MARCHF8: variants seen among roughly 807,000 people sequenced by gnomAD.
The protein encoded by MARCHF8 is E3 ubiquitin-protein ligase MARCHF8.
Under a neutral mutation model 51.6 loss-of-function variants are expected in MARCHF8, and 40 were observed. The observed-to-expected ratio is 0.77, with a 90% CI of 0.60 to 1.01. The LOEUF (loss-of-function observed/expected upper bound fraction) is 1.01, where lower values mean the gene tolerates loss of function less well. Among genes scored for constraint, MARCHF8 ranks in the 50% least tolerant of loss-of-function variants. MARCHF8 has a pLI of 0.00. For missense variants in MARCHF8, 685 were observed against 708.6 expected, an observed-to-expected ratio of 0.97 and a Z score of 0.38; for synonymous variants, 263 against 280.3, an observed-to-expected ratio of 0.94 and a Z score of 0.62.
chr10:45,574,688 T>A (rs2044469997), intron 1 of MARCHF8, among the ~76,000 whole-genome samples: 1 of 152,192 alleles, frequency 6.6e-6, no homozygotes, highest in African/African-American at 2.4e-5. Flanking sequence ...AGCCTAGCCC[T>A]CCTGTCTGCA....
intron 3 of MARCHF8, among the ~76,000 whole-genome samples, chr10:45,486,436 C>T (rs1343919441): frequency 1.3e-5 from 2 of 152,070 alleles, no homozygotes; most frequent in African/African-American, 2.4e-5. Flanking sequence ...TGGTGGCACG[C>T]ACCTGTAATC....
chr10:45,489,277 C>CAAA, intron 3 of MARCHF8, 90 bp downstream of exon 3: 87 of 777,128 alleles, frequency 1.1e-4, no homozygotes, highest in South Asian at 2.4e-4. Context: ...AACGTCTTTT[C>CAAA]AAAAAAAAAA....
intron 2 of MARCHF8, among the ~76,000 whole-genome samples, chr10:45,507,517 A>AGCAAGGAGGGAGGT (rs2043408237): frequency 6.6e-6 from 1 of 152,198 alleles, no homozygotes; most frequent in East Asian, 1.9e-4. Context: ...AGGTCAAGAG[A>AGCAAGGAGGGAGGT]GCAAGGAGGG....
chr10:45,550,050 G>A (rs1249485900), intron 1 of MARCHF8, among the ~76,000 whole-genome samples: 1 of 152,190 alleles, frequency 6.6e-6, no homozygotes, highest in African/African-American at 2.4e-5. Flanking sequence ...CGGGGACAGG[G>A]GGCAGTGATT....
intron 1 of MARCHF8, among the ~76,000 whole-genome samples, chr10:45,546,178 T>TTTA (rs1564511893): frequency 1.6e-5 from 2 of 125,310 alleles, no homozygotes; most frequent in Non-Finnish European, 3.5e-5. Flanking sequence ...TTATTTATTT[T>TTTA]GAGACAGGGT....
chr10:45,545,483 C>A (rs2044108649), intron 1 of MARCHF8, among the ~76,000 whole-genome samples: 1 of 152,104 alleles, frequency 6.6e-6, no homozygotes, highest in Non-Finnish European at 1.5e-5. Context: ...GGGAAGAAAC[C>A]CACTGATCTT....
At chr10:45,512,686 G>A (rs1322501162) in intron 2 of MARCHF8, among the ~76,000 whole-genome samples, 1 of 151,986 alleles carries the variant, frequency 6.6e-6, no homozygotes, top group Non-Finnish European at 1.5e-5. Flanking sequence ...GGGATGTGAG[G>A]AGCCCCTCTG....
At chr10:45,592,213 C>G (rs2044688926) in intron 1 of MARCHF8, among the ~76,000 whole-genome samples, 1 of 152,162 alleles carries the variant, frequency 6.6e-6, no homozygotes, top group Admixed American at 6.5e-5. Context: ...TTTAAAATTA[C>G]ACTCCTTGAA....
At chr10:45,528,302 G>A (rs2043823639) in intron 2 of MARCHF8, among the ~76,000 whole-genome samples, 1 of 152,124 alleles carries the variant, frequency 6.6e-6, no homozygotes, top group Non-Finnish European at 1.5e-5. Context: ...TTGTAAAAGA[G>A]GAAGTTAAAC....
chr10:45,504,888 G>T (rs137964103), intron 2 of MARCHF8, among the ~76,000 whole-genome samples: 2 of 152,150 alleles, frequency 1.3e-5, no homozygotes, highest in African/African-American at 4.8e-5. Context: ...CTCCTGAGTA[G>T]GGGCTTATAC....
chr10:45,593,036 C>G (rs1564526913), intron 1 of MARCHF8, among the ~76,000 whole-genome samples: 1 of 152,096 alleles, frequency 6.6e-6, no homozygotes, highest in African/African-American at 2.4e-5. Context: ...CCTCATTTTT[C>G]AGCAGAAACT....
intron 1 of MARCHF8, among the ~76,000 whole-genome samples, chr10:45,533,525 C>G (rs1348902652): frequency 6.6e-6 from 1 of 152,092 alleles, no homozygotes; most frequent in Non-Finnish European, 1.5e-5. Flanking sequence ...CATGTATAAT[C>G]AGAGATATAA....
intron 2 of MARCHF8, among the ~76,000 whole-genome samples, chr10:45,499,089 C>T (rs1053056562): frequency 2.0e-5 from 3 of 152,142 alleles, no homozygotes; most frequent in Non-Finnish European, 2.9e-5. Context: ...ATCAGCGTTC[C>T]ACTTTGTTCG....
chr10:45,481,259 A>G (rs935884169), intron 3 of MARCHF8, among the ~76,000 whole-genome samples: 3 of 152,230 alleles, frequency 2.0e-5, no homozygotes, highest in Non-Finnish European at 4.4e-5. Context: ...ACAGGCTCAC[A>G]GGTGGAAGGG....
chr10:45,580,003 C>CAAAAAA lies in MARCHF8; in HGVS notation c.-79+14226_-79+14231dup, dbSNP rs34446338. On this transcript the variant is annotated intron_variant, in intron 1 of 6. Transcript: ENST00000319836. Reference sequence around the variant, plus strand: ...ACTCCAGCCTGAAAGACTCCGTCTCCAAAAAAAAAAAAAAAAAAAAAAAAA... The same window carrying CAAAAAA: ...ACTCCAGCCTGAAAGACTCCGTCTCCAAAAAAAAAAAAAAAAAAAAAAAAAAAAAAA... Among the ~76,000 whole-genome samples, 93 of 36,474 alleles carry CAAAAAA rather than the reference C, an allele frequency of 2.5e-3. 1 individual carries two copies. The highest frequency in any genetic ancestry group is 4.1e-3 in the Non-Finnish European group (81 of 19,892). 23.9% of individuals were successfully genotyped at this position (36,474 alleles called of 152,430 possible). A position where few individuals can be genotyped will look rare whatever the true frequency, so the allele number is the denominator to read the frequency against.
rs1459911235 is a variant in MARCHF8 at position 45,587,578 on chromosome 10, G to A, written c.-79+6657C>T. The stretch of plus-strand genomic sequence containing the variant: ...TTTTCTTTTTTAAAAAACCTAACAA[G>A]CTGATTTTAAAATACTTTTGAAAAC... On this transcript the variant is annotated intron_variant, in intron 1 of 6. Transcript: ENST00000319836. 2.6e-5 allele frequency among the ~76,000 whole-genome samples: 4 copies of A among 152,044 alleles called. No homozygotes were observed. The East Asian group carries it at 7.7e-4, about 29-fold the overall frequency.
intron 1 of MARCHF8, among the ~76,000 whole-genome samples, chr10:45,549,103 G>A (rs1315543612): frequency 6.6e-6 from 1 of 152,088 alleles, no homozygotes; most frequent in Non-Finnish European, 1.5e-5. Flanking sequence ...TATAGATAAC[G>A]AAAGGGGGAT....
rs1167913669 is a variant in MARCHF8 at position 45,512,322 on chromosome 10, C to T, written c.102+20788G>A. 8.6e-5 allele frequency among the ~76,000 whole-genome samples: 13 copies of T among 151,398 alleles called. No individual in the cohort carries two copies. In the South Asian group the frequency reaches 1.7e-3, roughly 19 times the overall value. On this transcript the variant is annotated intron_variant, in intron 2 of 7. Transcript: ENST00000453424. The stretch of plus-strand genomic sequence containing the variant: ...CTGGGAAGTGAGGAGCGTCTCCGCC[C>T]GGCAGCCACCCCGTCCGGGAGGGAG...
intron 1 of MARCHF8, among the ~76,000 whole-genome samples, chr10:45,567,137 C>T (rs2044373797): frequency 6.6e-6 from 1 of 152,062 alleles, no homozygotes; most frequent in African/African-American, 2.4e-5. Flanking sequence ...ATTATTTTTT[C>T]CTATAGAGTT....
Sources: gnomAD v4.1 joint callset for allele counts (sites outside exome capture counted in the v4.1 genomes callset) on GRCh38, gnomAD v4.1.1 for gene constraint, MANE v1.5 for transcripts, NCBI Gene and HGNC (gene_info 2026-07-23, HGNC 2026-07-21) for gene names.